Variants in KCNK13 observed in about 807,000 individuals in gnomAD.
KCNK13 encodes the protein potassium two pore domain channel subfamily K member 13.
In KCNK13, 12 loss-of-function variants were observed where a neutral mutation model predicts 23.4. The observed-to-expected ratio is 0.51, with a 90% CI of 0.33 to 0.83. The LOEUF (loss-of-function observed/expected upper bound fraction) is 0.83, where lower values mean the gene tolerates loss of function less well. Among genes scored for constraint, KCNK13 ranks in the 40% least tolerant of loss-of-function variants. The probability of loss-of-function intolerance (pLI) is 0.02; values close to 1 mark genes in which losing one functional copy is unlikely to be tolerated. For synonymous variants in KCNK13, 231 were observed against 229.5 expected (o/e 1.01, Z -0.06); for missense variants, 463 against 556.3 (o/e 0.83, Z 1.69).
chr14:90,101,789 CCAA>C (rs1277457470), intron 1 of KCNK13, among the ~76,000 whole-genome samples: 4 of 15,480 alleles, frequency 2.6e-4, no homozygotes, highest in Middle Eastern at 0.071. Context: ...GACTCCGTCT[CCAA>C]AAAAAAAAAA....
At chr14:90,179,421 TGAGTG>T (rs1420907848) in intron 1 of KCNK13, among the ~76,000 whole-genome samples, 2 of 152,134 alleles carry the variant, frequency 1.3e-5, no homozygotes, top group Non-Finnish European at 2.9e-5. Context: ...CTTCATGGGC[TGAGTG>T]AAGTGTTCTG....
At chr14:90,104,870 A>C (rs1889525297) in intron 1 of KCNK13, among the ~76,000 whole-genome samples, 1 of 147,804 alleles carries the variant, frequency 6.8e-6, no homozygotes, top group Non-Finnish European at 1.5e-5. Context: ...GCTCACTGCA[A>C]CCTCTACCTC....
At chr14:90,069,386 C>T (rs968352384) in intron 1 of KCNK13, among the ~76,000 whole-genome samples, 6 of 152,066 alleles carry the variant, frequency 3.9e-5, no homozygotes, top group South Asian at 4.2e-4. Context: ...TTTTCTGTCC[C>T]GGGGTGTGGC....
At chr14:90,130,954 C>T (rs923904232) in intron 1 of KCNK13, among the ~76,000 whole-genome samples, 1 of 152,154 alleles carries the variant, frequency 6.6e-6, no homozygotes, top group African/African-American at 2.4e-5. Flanking sequence ...GATTCCAGCT[C>T]CTCTAGAGAA....
At chr14:90,147,889 A>G (rs552265735) in intron 1 of KCNK13, among the ~76,000 whole-genome samples, 8 of 152,114 alleles carry the variant, frequency 5.3e-5, no homozygotes, top group Middle Eastern at 3.4e-3. Flanking sequence ...TGTTTATAGG[A>G]GCCGGGCATG....
At position 90,085,887 on chromosome 14, in the gene KCNK13, C is replaced by G. The variant is rs1201909911; in HGVS notation, c.334+23348C>G. On this transcript the variant is annotated intron_variant, in intron 1 of 1. Coordinates refer to ENST00000282146, the MANE Select transcript of KCNK13 (RefSeq NM_022054.4). Reference sequence around the variant, plus strand: ...TATAAATTTATATCTATCTATCTACCTTTTTCCTTTTCTTGTGCCCTTTTT... The same window carrying G: ...TATAAATTTATATCTATCTATCTACGTTTTTCCTTTTCTTGTGCCCTTTTT... Among the ~76,000 whole-genome samples, 5 of 140,306 alleles carry G rather than the reference C, an allele frequency of 3.6e-5. No individual in the cohort carries two copies. The East Asian group carries it at 1.0e-3, about 29-fold the overall frequency. 92.0% of individuals were successfully genotyped at this position (140,306 alleles called of 152,430 possible).
rs773293388 is a variant in KCNK13 at position 90,062,396 on chromosome 14, A to G, written c.191A>G (p.His64Arg). Residue 64 changes from histidine (H) to arginine (R), a missense_variant, in exon 1 of 2, where the codon CAC (histidine) becomes CGC (arginine). Transcript: ENST00000282146. The surrounding 1 kb of genome is among the most constrained non-coding windows in gnomAD (Gnocchi z 4.5). ...CGCCTGGCCAACTTCAGCCGCGGCC[A>G]CAACCTGAGCCGCGACGAGCTGCGC... The part of the protein sequence containing the change: ...EERLANFSRG[H>R]NLSRDELRGF... 1.9e-6 allele frequency: 3 copies of G among 1,549,366 alleles called. No individual in the cohort carries two copies. In the South Asian group the frequency reaches 3.6e-5, roughly 18 times the overall value.
chr14:90,062,079 G>T lies in KCNK13; in HGVS notation c.-127G>T, dbSNP rs1249666342. On this transcript the variant is annotated 5_prime_UTR_variant, in exon 1 of 2. The change abolishes an upstream ATG in the 5' untranslated region. Transcript: ENST00000282146. The surrounding 1 kb of genome is among the most constrained non-coding windows in gnomAD (Gnocchi z 4.5). ...GCCTGCGGGAGAGCCCGGCGGTCAT[G>T]GGCGAGCCGGCGGTGGGGCGCCCGG... 1.7e-6 allele frequency: 1 copy of T among 572,626 alleles called. No homozygotes were observed. Among genetic ancestry groups the T allele is most frequent in the South Asian group, 5.2e-5 (1 of 19,406 alleles). 35.5% of individuals were successfully genotyped at this position (572,626 alleles called of 1,614,324 possible).
intron 1 of KCNK13, among the ~76,000 whole-genome samples, chr14:90,181,339 A>G (rs995693000): frequency 6.6e-6 from 1 of 152,208 alleles, no homozygotes; most frequent in Non-Finnish European, 1.5e-5. Context: ...GAAGTCCAAG[A>G]TCAAGGCATC....
chr14:90,076,520 A>G lies in KCNK13; in HGVS notation c.334+13981A>G, dbSNP rs551916866. Among the ~76,000 whole-genome samples the G allele has an allele frequency of 2.6e-5, 4 of 152,172 alleles. 1 individual carries two copies. Among genetic ancestry groups the G allele is most frequent in the East Asian group, 3.9e-4 (2 of 5,178 alleles). ...GTGAACCATGTCAGATTGTCCCCCA[A>G]CCCCCATCTGTACGTGAGCTCAATG... On this transcript the variant is annotated intron_variant, in intron 1 of 1. Coordinates refer to ENST00000282146, the MANE Select transcript of KCNK13 (RefSeq NM_022054.4).
intron 1 of KCNK13, among the ~76,000 whole-genome samples, chr14:90,101,810 A>AAAAAAAC (rs1465117776): frequency 4.0e-5 from 6 of 149,318 alleles, no homozygotes; most frequent in African/African-American, 1.5e-4. Flanking sequence ...AAAAAAAAAA[A>AAAAAAAC]AACCTCACAA....
rs149758013 is a variant in KCNK13 at position 90,162,112 on chromosome 14, C to T, written c.335-21999C>T. On this transcript the variant is annotated intron_variant, in intron 1 of 1. Transcript: ENST00000282146. ...GGAGAATCACTTGAGCCTGGGAGGG[C>T]GAGGCTGCAGTGAGCTGTAATTGAC... is the stretch of plus-strand genomic sequence containing the variant. Among the ~76,000 whole-genome samples, 6 of 152,148 alleles carry T rather than the reference C, an allele frequency of 3.9e-5. No homozygotes were observed. The East Asian group carries it at 5.8e-4, about 15-fold the overall frequency.
intron 1 of KCNK13, among the ~76,000 whole-genome samples, chr14:90,087,117 CATATATATATACAT>C (rs1382649244): frequency 3.1e-4 from 39 of 125,684 alleles, no homozygotes; most frequent in East Asian, 1.6e-3. Flanking sequence ...TATATATATA[CATATATATATACAT>C]ATATATATAT....
intron 1 of KCNK13, among the ~76,000 whole-genome samples, chr14:90,091,259 C>T (rs1467245421): frequency 6.6e-6 from 1 of 152,110 alleles, no homozygotes; most frequent in East Asian, 1.9e-4. Flanking sequence ...GATTTTATTC[C>T]ATTCTTGTTG....
intron 1 of KCNK13, among the ~76,000 whole-genome samples, chr14:90,131,515 C>G (rs1889871521): frequency 6.6e-6 from 1 of 152,126 alleles, no homozygotes; most frequent in Non-Finnish European, 1.5e-5. Flanking sequence ...CAGGTGTGAG[C>G]CACCATGCCC....
intron 1 of KCNK13, among the ~76,000 whole-genome samples, chr14:90,182,719 G>A (rs1276699391): frequency 6.6e-6 from 1 of 151,956 alleles, no homozygotes; most frequent in African/African-American, 2.4e-5. Context: ...TACTTGGAAG[G>A]CTGAGGCAGG....
intron 1 of KCNK13, among the ~76,000 whole-genome samples, chr14:90,146,874 TTGAG>T (rs749049739): frequency 2.6e-5 from 4 of 152,200 alleles, no homozygotes; most frequent in African/African-American, 7.2e-5. Flanking sequence ...TTTTAAATAA[TTGAG>T]TATTTTTATA....
At chr14:90,072,849 AT>A (rs371224339) in intron 1 of KCNK13, among the ~76,000 whole-genome samples, 4 of 150,354 alleles carry the variant, frequency 2.7e-5, no homozygotes, top group East Asian at 3.9e-4. Flanking sequence ...GTTATATGTG[AT>A]TTTTTTTTTA....
intron 1 of KCNK13, among the ~76,000 whole-genome samples, chr14:90,067,708 A>G (rs1255246290): frequency 6.6e-6 from 1 of 152,232 alleles, no homozygotes; most frequent in African/African-American, 2.4e-5. Flanking sequence ...ATCAGACGTG[A>G]AACAGGGATA....
Sources: allele counts gnomAD v4.1 joint callset (sites outside exome capture counted in the v4.1 genomes callset), GRCh38; gene constraint gnomAD v4.1.1; non-coding constraint Gnocchi (gnomAD v3.1); transcripts MANE v1.5; gene names NCBI Gene and HGNC (gene_info 2026-07-23, HGNC 2026-07-21).